The following GRXCR1 variants were observed in gnomAD, a reference collection of about 807,000 sequenced individuals.
The protein encoded by GRXCR1 is glutaredoxin domain-containing cysteine-rich protein 1.
A neutral mutation model predicts 27.3 loss-of-function variants in GRXCR1; 27 were observed. The observed-to-expected ratio is 0.99, with a 90% CI of 0.73 to 1.37. The LOEUF is 1.37. Ranked by LOEUF, GRXCR1 falls within the 40% of genes most tolerant of loss-of-function variation. The pLI is 0.00. For synonymous variants in GRXCR1, 122 were observed against 131.1 expected, an observed-to-expected ratio of 0.93 and a Z score of 0.47; for missense variants, 379 against 354.4, an observed-to-expected ratio of 1.07 and a Z score of -0.56.
chr4:42,967,072 A>C (rs764407630), intron 2 of GRXCR1, among the ~76,000 whole-genome samples: 4 of 152,108 alleles, frequency 2.6e-5, no homozygotes, highest in Non-Finnish European at 5.9e-5. Flanking sequence ...CACCTTATGC[A>C]TAATTTCTTT....
chr4:43,022,404 ATCTC>A (rs1311687909), intron 3 of GRXCR1, among the ~76,000 whole-genome samples: 3 of 152,102 alleles, frequency 2.0e-5, no homozygotes, highest in Non-Finnish European at 4.4e-5. Context: ...ATGGTAGATA[ATCTC>A]TCTCTCTCCA....
chr4:42,969,640 C>A (rs546832684), intron 2 of GRXCR1, among the ~76,000 whole-genome samples: 1 of 152,180 alleles, frequency 6.6e-6, no homozygotes, highest in South Asian at 2.1e-4. Context: ...ATCATGAGAA[C>A]AACAACGGGG....
intron 1 of GRXCR1, among the ~76,000 whole-genome samples, chr4:42,952,904 T>C (rs1333676787): frequency 6.6e-6 from 1 of 152,168 alleles, no homozygotes; most frequent in African/African-American, 2.4e-5. Context: ...ATTCAAGCCA[T>C]TGAATCAAAT....
At chr4:42,995,922 C>T (rs1021174141) in intron 2 of GRXCR1, among the ~76,000 whole-genome samples, 2 of 152,152 alleles carry the variant, frequency 1.3e-5, no homozygotes, top group African/African-American at 4.8e-5. Flanking sequence ...TTGCTCAGGA[C>T]TGATGTCATG....
At position 43,030,420 on chromosome 4, in the gene GRXCR1, C is replaced by T. The variant is rs374667597; in HGVS notation, c.753C>T (p.Ser251=). The change falls in exon 4 of 4, where the codon TCC becomes TCT. Residue 251 remains serine, a synonymous_variant. Coordinates refer to ENST00000399770, the MANE Select transcript of GRXCR1 (RefSeq NM_001080476.3). ...GAGGCTTTGGCTTTCTTCCATGCTC[C>T]GTGTGCCATGGGAGCAAGATGTCCA... ...SCGGFGFLPC[S]VCHGSKMSMF... is the part of the protein sequence containing the mutation. 7.3e-5 allele frequency: 118 copies of T among 1,613,992 alleles called. No individual in the cohort carries two copies. The East Asian group carries it at 1.7e-3, about 24-fold the overall frequency.
chr4:42,972,274 A>T (rs140453061), intron 2 of GRXCR1, among the ~76,000 whole-genome samples: 2 of 152,144 alleles, frequency 1.3e-5, no homozygotes, highest in Non-Finnish European at 2.9e-5. Flanking sequence ...CACTTGTTTG[A>T]TCATTAGAAA....
intron 2 of GRXCR1, among the ~76,000 whole-genome samples, chr4:42,974,483 G>A (rs753987866): frequency 3.3e-5 from 5 of 152,174 alleles, no homozygotes; most frequent in Non-Finnish European, 7.3e-5. Context: ...AAACAGCTAT[G>A]ATGAGCAAGG....
At chr4:42,994,694 C>T (rs1256565847) in intron 2 of GRXCR1, among the ~76,000 whole-genome samples, 1 of 152,060 alleles carries the variant, frequency 6.6e-6, no homozygotes, top group Non-Finnish European at 1.5e-5. Flanking sequence ...AGTAAAGTAC[C>T]TTTACCCAAA....
At chr4:42,912,073 T>C in intron 1 of GRXCR1, among the ~76,000 whole-genome samples, 1 of 152,128 alleles carries the variant, frequency 6.6e-6, no homozygotes, top group Admixed American at 6.6e-5. Context: ...TGGTTTTCCC[T>C]GGATAATTGA....
intron 2 of GRXCR1, among the ~76,000 whole-genome samples, chr4:42,978,710 A>C (rs1748581560): frequency 6.6e-6 from 1 of 152,082 alleles, no homozygotes; most frequent in African/African-American, 2.4e-5. Flanking sequence ...GTTTTTTAAC[A>C]GCAATTTCAG....
At chr4:43,006,648 C>A (rs200066359) in intron 2 of GRXCR1, among the ~76,000 whole-genome samples, 1 of 152,128 alleles carries the variant, frequency 6.6e-6, no homozygotes, top group Non-Finnish European at 1.5e-5. Flanking sequence ...CAATGGTGCC[C>A]GAAACTTCAT....
At chr4:42,904,484 A>G (rs1463975260) in intron 1 of GRXCR1, among the ~76,000 whole-genome samples, 3 of 152,162 alleles carry the variant, frequency 2.0e-5, no homozygotes, top group Non-Finnish European at 4.4e-5. Context: ...TAGACATAAG[A>G]GCACTATTCT....
chr4:42,944,868 C>T (rs891059197), intron 1 of GRXCR1, among the ~76,000 whole-genome samples: 3 of 152,110 alleles, frequency 2.0e-5, no homozygotes, highest in Admixed American at 6.6e-5. Context: ...GGACAAAAGA[C>T]ATAATCAATC....
chr4:42,906,605 C>T (rs950975218), intron 1 of GRXCR1, among the ~76,000 whole-genome samples: 1 of 152,104 alleles, frequency 6.6e-6, no homozygotes, highest in Admixed American at 6.6e-5. Context: ...TCTCAGCAAG[C>T]CTTTCAGCAA....
chr4:42,924,414 C>T (rs1452496424), intron 1 of GRXCR1, among the ~76,000 whole-genome samples: 1 of 151,880 alleles, frequency 6.6e-6, no homozygotes, highest in Non-Finnish European at 1.5e-5. Flanking sequence ...GCAGGAGAGG[C>T]AAAATTAATT....
chr4:43,009,190 T>C (rs759170307), intron 2 of GRXCR1, among the ~76,000 whole-genome samples: 14 of 152,200 alleles, frequency 9.2e-5, no homozygotes, highest in Non-Finnish European at 1.9e-4. Flanking sequence ...CCATGGATAA[T>C]TAACTCCTTG....
At chr4:42,925,806 CA>C (rs1747144180) in intron 1 of GRXCR1, among the ~76,000 whole-genome samples, 1 of 151,888 alleles carries the variant, frequency 6.6e-6, no homozygotes, top group Non-Finnish European at 1.5e-5. Flanking sequence ...TCTTGAAAGA[CA>C]GCTGATTCAA....
chr4:43,028,352 T>C (rs895870956), intron 3 of GRXCR1, among the ~76,000 whole-genome samples: 2 of 152,220 alleles, frequency 1.3e-5, no homozygotes, highest in African/African-American at 4.8e-5. Flanking sequence ...CTATCTGAAA[T>C]TCAAATTTAA....
chr4:42,921,841 G>T (rs879498408), intron 1 of GRXCR1, among the ~76,000 whole-genome samples: 80 of 152,094 alleles, frequency 5.3e-4, no homozygotes, highest in Non-Finnish European at 1.6e-4. Flanking sequence ...AGAGACGAGG[G>T]TCTGTGCCCT....
Sources: allele counts gnomAD v4.1 joint callset (sites outside exome capture counted in the v4.1 genomes callset), GRCh38; gene constraint gnomAD v4.1.1; transcripts MANE v1.5; gene names NCBI Gene and HGNC (gene_info 2026-07-23, HGNC 2026-07-21).